Variants in EXOC7 observed in about 807,000 individuals in gnomAD.
EXOC7 encodes exocyst complex component Exo70.
EXOC7 carries 51 observed loss-of-function variants against 87.6 expected under a neutral mutation model. The observed-to-expected ratio is 0.58, with a 90% CI of 0.46 to 0.73. The LOEUF (loss-of-function observed/expected upper bound fraction) is 0.73. Among genes scored for constraint, EXOC7 ranks in the 30% least tolerant of loss-of-function variants. The pLI, the probability that EXOC7 is intolerant of heterozygous loss-of-function variation, is 0.00. For synonymous variants in EXOC7, 327 were observed against 357.1 expected (o/e 0.92, Z 0.95); for missense variants, 744 against 888.4 (o/e 0.84, Z 2.07).
Position 76,101,706 on chromosome 17 carries a change from C to G in EXOC7, c.284G>C (p.Ser95Thr). 1.2e-6 allele frequency: 2 copies of G among 1,613,872 alleles called. No individual in the cohort carries two copies. The highest frequency in any genetic ancestry group is 1.7e-6 in the Non-Finnish European group (2 of 1,179,892). The change falls in exon 3 of 19, where the codon AGT (serine) becomes ACT (threonine). Residue 95 changes from serine to threonine, a missense_variant. By Grantham distance (58) the Ser-to-Thr change is moderately conservative. Transcript: ENST00000589210. ...DHVISYYHVA[S>T]DTEKIIREGP... is the part of the protein sequence containing the mutation. ...CTCTCTGATGATCTTCTCAGTGTCA[C>G]TGGCCACATGGTAGTAGCTGATGAC...
rs2067006276 is a variant in EXOC7, at chr17:76,082,059, G to A, written c.*1589C>T. The A allele has an allele frequency of 2.5e-6, 4 of 1,596,382 alleles. No homozygotes were observed. ...CCTCATCCTGCTGAAGGTGGGCAGG[G>A]GCTGGGGGGTAAGGAATGAGGCCTA... On this transcript the variant is annotated 3_prime_UTR_variant, in exon 19 of 19. Transcript: ENST00000589210.
chr17:76,102,114 T>C (rs979461671), intron 2 of EXOC7, among the ~76,000 whole-genome samples: 1 of 152,192 alleles, frequency 6.6e-6, no homozygotes, highest in Non-Finnish European at 1.5e-5. Flanking sequence ...TTAATTCTTC[T>C]TAAAATAATC....
chr17:76,091,166 C>G lies in EXOC7; in HGVS notation c.878G>C (p.Gly293Ala), dbSNP rs760963380. 3.1e-6 allele frequency: 5 copies of G among 1,614,020 alleles called. No individual in the cohort carries two copies. In the East Asian group the frequency reaches 6.7e-5, roughly 22 times the overall value. Reference protein sequence around the residue: ...SQHGLDGKKGGSNLIPLEGRD... With the variant: ...SQHGLDGKKGASNLIPLEGRD... ...ACCTTCCAGAGGAATGAGGTTAGAG[C>G]CCCCCTTTTTCCCATCTAGACCATG... The change falls in exon 7 of 19, where the codon GGC becomes GCC. Residue 293 changes from glycine (G) to alanine (A), a missense_variant. Physicochemically the swap from Gly to Ala is moderately conservative, Grantham distance 60 (BLOSUM62 0). Around this residue, in one of 3 missense-constraint regions of EXOC7, gnomAD observed 512 missense variants for 573.0 expected, o/e 0.89. Coordinates refer to ENST00000589210, the MANE Select transcript of EXOC7 (RefSeq NM_001013839.4).
chr17:76,103,573 G>A (rs983215164), intron 1 of EXOC7, 60 bp downstream of exon 1: 14 of 1,601,330 alleles, frequency 8.7e-6, no homozygotes, highest in Non-Finnish European at 1.1e-5. Flanking sequence ...TAGACAATCA[G>A]GCCCCGCTGT....
In EXOC7 at chr17:76,091,171, C is replaced by T. The variant is rs753941140; in HGVS notation, c.873G>A (p.Lys291=). The part of the protein sequence containing the change: ...QYSQHGLDGK[K]GGSNLIPLEG... ...CCAGAGGAATGAGGTTAGAGCCCCCCTTTTTCCCATCTAGACCATGCTGGG... is the reference window on the plus strand; with the variant it reads ...CCAGAGGAATGAGGTTAGAGCCCCCTTTTTTCCCATCTAGACCATGCTGGG... Residue 291 remains lysine, a synonymous_variant, in exon 7 of 19, where the codon AAG becomes AAA. Transcript: ENST00000589210. 5.6e-6 allele frequency: 9 copies of T among 1,614,178 alleles called. No individual in the cohort carries two copies. In the African/African-American group the frequency reaches 6.7e-5, roughly 12 times the overall value.
At position 76,081,142 on chromosome 17, in the gene EXOC7, C is replaced by A; in HGVS notation, c.*2506G>T. 8.0e-7 allele frequency: 1 copy of A among 1,252,990 alleles called. No individual in the cohort carries two copies. The highest frequency in any genetic ancestry group is 1.1e-6 in the Non-Finnish European group (1 of 896,226). The allele number at this position is 1,252,990 out of a possible 1,614,324, so 77.6% of individuals were successfully genotyped here. ...AGGTTTGGGAAGCCCTTCTATGGAT[C>A]GGTTTTGTGTCCAAGTCTGTCCCTG... On this transcript the variant is annotated 3_prime_UTR_variant, in exon 19 of 19. Transcript: ENST00000589210.
rs760890089 is a variant in EXOC7 at position 76,083,671 on chromosome 17, G to A, written c.2032C>T (p.Arg678Cys). ...GCTCAGGCAGAGGTGTCGAAAAGGC[G>A]ATCGATCATGTCGCCCACCTGCTCC... ...GVEQVGDMIDRLFDTSA is the reference protein window; with the variant it reads ...GVEQVGDMIDCLFDTSA The change falls in exon 19 of 19, where the codon CGC (arginine) becomes TGC (cysteine). Residue 678 changes from arginine (R) to cysteine (C), a missense_variant. Around this residue, in one of 3 missense-constraint regions of EXOC7, gnomAD observed 228 missense variants for 298.6 expected, o/e 0.76. Transcript: ENST00000589210. 5.0e-6 allele frequency: 8 copies of A among 1,613,746 alleles called. No homozygotes were observed. The Admixed American group carries it at 5.0e-5, about 10-fold the overall frequency.
intron 5 of EXOC7, 39 bp from the exon 6 acceptor site, chr17:76,094,620 C>T (rs1232008021): frequency 1.3e-6 from 2 of 1,582,160 alleles, no homozygotes; most frequent in Non-Finnish European, 8.6e-7. Flanking sequence ...GGCTGCCAGG[C>T]CCTGTCTCTG....
In EXOC7 at chr17:76,087,606, G is replaced by A. The variant is rs752802416; in HGVS notation, c.1429+48C>T. ...CCTGCCCTCTAACCCCATGTCTCCAGGCAAGGAGGCGAGTGGGGCAGGGGG... is the reference window on the plus strand; with the variant it reads ...CCTGCCCTCTAACCCCATGTCTCCAAGCAAGGAGGCGAGTGGGGCAGGGGG... On this transcript the variant is annotated intron_variant, in intron 12 of 18. Transcript: ENST00000589210. The A allele has an allele frequency of 3.7e-5, 57 of 1,531,258 alleles. 1 individual carries two copies. The highest frequency in any genetic ancestry group is 3.5e-6 in the Non-Finnish European group (4 of 1,131,406). The allele number at this position is 1,531,258 out of a possible 1,614,324, so 94.9% of individuals were successfully genotyped here.
In EXOC7 at chr17:76,088,856, C is replaced by T. The variant is rs764426880; in HGVS notation, c.1115G>A (p.Arg372Gln). The T allele has an allele frequency of 1.9e-6, 3 of 1,613,884 alleles. No homozygotes were observed. The highest frequency in any genetic ancestry group is 1.1e-5 in the South Asian group (1 of 91,076). Residue 372 changes from arginine (R) to glutamine (Q), a missense_variant, in exon 9 of 19, where the codon CGA becomes CAA. Coordinates refer to ENST00000589210, the MANE Select transcript of EXOC7 (RefSeq NM_001013839.4). ...IVSAARKAIVRHDFSTVLTVF... is the reference protein window; with the variant it reads ...IVSAARKAIVQHDFSTVLTVF... ...GGTGAGCACCGTGGAGAAGTCGTGT[C>T]GCACAATGGCCTTCCGGGCAGCAGA...
chr17:76,101,149 C>T (rs541687778), intron 4 of EXOC7, 122 bp downstream of exon 4: 55 of 1,465,996 alleles, frequency 3.8e-5, no homozygotes, highest in East Asian at 1.4e-4. Context: ...ATAGGATGTA[C>T]TGTGCTATAT....
chr17:76,095,477 C>T (rs530015527), intron 5 of EXOC7, among the ~76,000 whole-genome samples: 84 of 152,210 alleles, frequency 5.5e-4, no homozygotes, highest in South Asian at 8.3e-4. Context: ...AATAAAAAAA[C>T]AAAGTTAATA....
Position 76,094,593 on chromosome 17 carries a change from C to G in EXOC7, c.641-12G>C, listed in dbSNP as rs186109559. ...GACGTTCATGAAATCTGAGGAGACA[C>G]AGAGGGATAGAGGTACGGCTGCCAG... is the stretch of plus-strand genomic sequence containing the variant. On this transcript the variant is annotated splice_polypyrimidine_tract_variant and intron_variant, in intron 5 of 18. Coordinates refer to ENST00000589210, the MANE Select transcript of EXOC7 (RefSeq NM_001013839.4). 321 of 1,609,676 alleles carry G rather than the reference C, an allele frequency of 2.0e-4. 2 individuals are homozygous for G. In the African/African-American group the frequency reaches 3.5e-3, roughly 18 times the overall value.
intron 4 of EXOC7, among the ~76,000 whole-genome samples, chr17:76,099,188 C>A (rs767118958): frequency 4.6e-5 from 7 of 152,160 alleles, no homozygotes; most frequent in Non-Finnish European, 8.8e-5. Flanking sequence ...ACCCAAGTGT[C>A]CATCAAAGGA....
rs527940357 is a variant in EXOC7 at position 76,082,371 on chromosome 17, C to T, written c.*1277G>A. The T allele has an allele frequency of 1.8e-4, 240 of 1,308,612 alleles. 1 individual carries two copies. The highest frequency in any genetic ancestry group is 2.0e-4 in the Non-Finnish European group (191 of 952,870). 81.1% of individuals were successfully genotyped at this position (1,308,612 alleles called of 1,614,324 possible). On this transcript the variant is annotated 3_prime_UTR_variant, in exon 19 of 19. Transcript: ENST00000589210. ...TCAGCTGAGAATCTAAGAAAGGAAG[C>T]GATACAGGCTGATGACCCCTGGGGT...
Position 76,082,617 on chromosome 17 carries a change from A to C in EXOC7, c.*1031T>G, listed in dbSNP as rs2067031712. The C allele has an allele frequency of 1.9e-6, 3 of 1,613,028 alleles. No homozygotes were observed. Among genetic ancestry groups the C allele is most frequent in the Non-Finnish European group, 2.5e-6 (3 of 1,179,780 alleles). On this transcript the variant is annotated 3_prime_UTR_variant, in exon 19 of 19. Coordinates refer to ENST00000589210, the MANE Select transcript of EXOC7 (RefSeq NM_001013839.4). ...CGTGCAAGTCTGACGCAGCCCCTGG[A>C]GAGGCTGCACCCCATGGCAGGCGGC...
rs762812199 is a variant in EXOC7 at position 76,081,513 on chromosome 17, C to T, written c.*2135G>A. The T allele has an allele frequency of 2.0e-5, 33 of 1,610,850 alleles. No homozygotes were observed. The highest frequency in any genetic ancestry group is 9.3e-5 in the African/African-American group (7 of 74,918). The stretch of plus-strand genomic sequence containing the variant: ...CCCCGATGCCCACCTCCTTCCCCCC[C>T]GCCGGGAAGGCCCTGACTTTTCCCC... On this transcript the variant is annotated 3_prime_UTR_variant, in exon 19 of 19. Transcript: ENST00000589210.
intron 6 of EXOC7, chr17:76,092,549 C>G (rs1275060978): frequency 6.6e-6 from 1 of 152,228 alleles, no homozygotes; most frequent in East Asian, 1.9e-4. Flanking sequence ...CCGCCCGCCT[C>G]GGCCTCCCGA....
rs577014525 is a variant in EXOC7 at position 76,103,763 on chromosome 17, C to G, written c.-71G>C. 1.4e-4 allele frequency: 208 copies of G among 1,509,472 alleles called. 1 individual carries two copies. The Admixed American group carries it at 4.0e-3, about 29-fold the overall frequency. The allele number at this position is 1,509,472 out of a possible 1,614,324, so 93.5% of individuals were successfully genotyped here. A position where few individuals can be genotyped will look rare whatever the true frequency, so the allele number is the denominator to read the frequency against. Reference sequence around the variant, plus strand: ...GGGCCCACCGGGCCCCCGTCCCCGTCACACCCACTTCCGCTCTTGGTCCCG... The same window carrying G: ...GGGCCCACCGGGCCCCCGTCCCCGTGACACCCACTTCCGCTCTTGGTCCCG... On this transcript the variant is annotated 5_prime_UTR_variant, in exon 1 of 19. Coordinates refer to ENST00000589210, the MANE Select transcript of EXOC7 (RefSeq NM_001013839.4).
Sources: gnomAD v4.1 joint callset for allele counts (sites outside exome capture counted in the v4.1 genomes callset) on GRCh38, gnomAD v4.1.1 for gene constraint, gnomAD v4.1.1 regional missense constraint, MANE v1.5 for transcripts, NCBI Gene and HGNC (gene_info 2026-07-23, HGNC 2026-07-21) for gene names.